HAL: variants seen among roughly 807,000 people sequenced by gnomAD.
The protein encoded by HAL is histidine ammonia-lyase.
A neutral mutation model predicts 81.1 loss-of-function variants in HAL; 85 were observed. The ratio of observed to expected loss-of-function variants is 1.05; its 90% CI spans 0.88 to 1.25. HAL has a LOEUF of 1.25. HAL is among the 50% of genes most tolerant of loss of function. The pLI is 0.00. For missense variants in HAL, 798 were observed against 836.6 expected (o/e 0.95, Z 0.57); for synonymous variants, 301 against 309.2 (o/e 0.97, Z 0.28).
intron 9 of HAL, 113 bp from the exon 10 acceptor site, chr12:95,990,645 ACTT>A: frequency 2.4e-6 from 2 of 828,492 alleles, no homozygotes; most frequent in Non-Finnish European, 4.2e-6. Context: ...AATATCTATC[ACTT>A]TATGGCATAG....
chr12:95,991,568 A>G (rs1375762167), intron 9 of HAL, among the ~76,000 whole-genome samples: 2 of 152,232 alleles, frequency 1.3e-5, no homozygotes, highest in Non-Finnish European at 2.9e-5. Flanking sequence ...CCAAAAAGTT[A>G]CCAAAAAAGA....
chr12:95,979,645 A>G (rs943930525), intron 17 of HAL, among the ~76,000 whole-genome samples: 2 of 152,212 alleles, frequency 1.3e-5, no homozygotes, highest in Non-Finnish European at 2.9e-5. Flanking sequence ...TTAAAAAAAT[A>G]ATTTTTGTAG....
intron 15 of HAL, 54 bp downstream of exon 15, chr12:95,983,856 TA>T: frequency 1.1e-6 from 1 of 940,048 alleles, no homozygotes; most frequent in Non-Finnish European, 1.8e-6. Context: ...CAGTAGATCC[TA>T]AAATTACCAG....
chr12:95,995,761 G>A lies in HAL; in HGVS notation c.150C>T (p.Asp50=), dbSNP rs927026511. 2 of 1,613,650 alleles carry A rather than the reference G, an allele frequency of 1.2e-6. No individual in the cohort carries two copies. The highest frequency in any genetic ancestry group is 8.5e-7 in the Non-Finnish European group (1 of 1,179,982). The change falls in exon 2 of 21, where the codon GAC becomes GAT. Residue 50 remains aspartate (D), a synonymous_variant. Transcript: ENST00000261208. ...TGCACCGGCGCACAAGGAAGTGCGC[G>A]TCATCCACGGAGGTGAAGCCACCAT... ...PDNGGFTSVD[D]AHFLVRRCKG...
intron 15 of HAL, among the ~76,000 whole-genome samples, chr12:95,982,541 C>T (rs1024533997): frequency 5.9e-5 from 9 of 152,234 alleles, no homozygotes; most frequent in African/African-American, 2.2e-4. Context: ...TTCATAAAAA[C>T]TACTATTCCA....
Position 95,992,771 on chromosome 12 carries a change from C to G in HAL, c.624G>C (p.Arg208=), listed in dbSNP as rs774597927. The G allele has an allele frequency of 6.2e-7, 1 of 1,613,004 alleles. No homozygotes were observed. The highest frequency in any genetic ancestry group is 1.1e-5 in the South Asian group (1 of 91,062). ...CATTGATCCTTAAAGCCAAGAGCAT[C>G]CGACACCTCTCAGGACTTAGTGGTT... ...VGKPLSPERC[R]MLLALRINVL... is the part of the protein sequence containing the mutation. Residue 208 remains arginine (R), a synonymous_variant, in exon 9 of 21, where the codon CGG becomes CGC. Transcript: ENST00000261208.
chr12:95,982,934 T>G lies in HAL; in HGVS notation c.1287+977A>C, dbSNP rs1431550832. On this transcript the variant is annotated intron_variant, in intron 15 of 20. Coordinates refer to ENST00000261208, the MANE Select transcript of HAL (RefSeq NM_002108.4). ...CTGATCACCTCAACATCTGGGGAACTGAGCCATCATGGAACATTCCAGAGA... is the reference window on the plus strand; with the variant it reads ...CTGATCACCTCAACATCTGGGGAACGGAGCCATCATGGAACATTCCAGAGA... Among the ~76,000 whole-genome samples the G allele has an allele frequency of 6.6e-5, 10 of 152,332 alleles. No individual in the cohort carries two copies. In the East Asian group the frequency reaches 1.7e-3, roughly 26 times the overall value.
At chr12:95,986,938 C>A in intron 12 of HAL, 129 bp downstream of exon 12, 1 of 797,186 alleles carries the variant, frequency 1.3e-6, no homozygotes, top group South Asian at 1.4e-5. Flanking sequence ...ACTGGGTACG[C>A]CACAGGCACT....
At chr12:95,994,219 G>C (rs770966752) in intron 4 of HAL, 55 bp from the exon 5 acceptor site, 25 of 1,177,654 alleles carry the variant, frequency 2.1e-5, no homozygotes, top group African/African-American at 6.0e-5. Flanking sequence ...ATTCTAACCA[G>C]AGTAGGGACA....
In HAL at chr12:95,972,890, C is replaced by A. The variant is rs1193521279; in HGVS notation, c.*1342G>T. 6.6e-6 allele frequency: 1 copy of A among 152,170 alleles called. No individual in the cohort carries two copies. The highest frequency in any genetic ancestry group is 1.5e-5 in the Non-Finnish European group (1 of 68,028). The allele number at this position is 152,170 out of a possible 1,614,324, so 9.4% of individuals were successfully genotyped here. On this transcript the variant is annotated 3_prime_UTR_variant, in exon 21 of 21. Transcript: ENST00000261208. ...CAGCCCACGGATGACAATGCACAAA[C>A]CTCATTTGTGTGTGTTCACATTTTG... is the stretch of plus-strand genomic sequence containing the variant.
chr12:95,992,888 T>C, intron 8 of HAL, 83 bp from the exon 9 acceptor site: 46 of 1,181,970 alleles, frequency 3.9e-5, no homozygotes, highest in Non-Finnish European at 4.7e-5. Flanking sequence ...CCTCCAATCT[T>C]TCCCATATGT....
Position 95,976,516 on chromosome 12 carries a change from C to A in HAL, c.1764-18G>T. The A allele has an allele frequency of 6.2e-7, 1 of 1,613,206 alleles. No homozygotes were observed. Among genetic ancestry groups the A allele is most frequent in the African/African-American group, 1.3e-5 (1 of 75,030 alleles). ...TCCAGGGCCTACAGGGAGAGCACAT[C>A]CGCCCATCAGCCAAACATGAAACCC... On this transcript the variant is annotated intron_variant, in intron 19 of 20. Coordinates refer to ENST00000261208, the MANE Select transcript of HAL (RefSeq NM_002108.4).
At chr12:95,994,538 C>T (rs527564200) in intron 4 of HAL, among the ~76,000 whole-genome samples, 9 of 152,208 alleles carry the variant, frequency 5.9e-5, no homozygotes, top group East Asian at 3.9e-4. Flanking sequence ...TACAGGTGCA[C>T]GCCACCATAC....
chr12:95,976,372 G>T, intron 20 of HAL, 57 bp downstream of exon 20: 2 of 1,340,660 alleles, frequency 1.5e-6, no homozygotes, highest in South Asian at 2.3e-5. Flanking sequence ...CTCCATCCCC[G>T]ACTTTGCTTT....
chr12:95,984,147 T>A (rs1287185744), intron 14 of HAL, among the ~76,000 whole-genome samples, 156 bp from the exon 15 acceptor site: 1 of 152,266 alleles, frequency 6.6e-6, no homozygotes, highest in Non-Finnish European at 1.5e-5. Context: ...GAACTGAAGA[T>A]AATTTTGTTA....
At chr12:95,983,099 T>A (rs2080812711) in intron 15 of HAL, among the ~76,000 whole-genome samples, 1 of 152,208 alleles carries the variant, frequency 6.6e-6, no homozygotes, top group Non-Finnish European at 1.5e-5. Context: ...TAAAAACTCA[T>A]GATGGGGGCT....
rs1313713197 is a variant in HAL at position 95,976,658 on chromosome 12, C to T, written c.1703G>A (p.Arg568His). The T allele has an allele frequency of 5.6e-6, 9 of 1,613,328 alleles. No individual in the cohort carries two copies. Among genetic ancestry groups the T allele is most frequent in the Admixed American group, 3.3e-5 (2 of 60,000 alleles). Residue 568 changes from arginine to histidine, a missense_variant, in exon 19 of 21, where the codon CGT becomes CAT. Transcript: ENST00000261208. ...CAGCGGAGTGGTTGTTTTCAGGGGA[C>T]GTAGAAACTCTATGCCCTGGCAGGC... The part of the protein sequence containing the change: ...LAACQGIEFL[R>H]PLKTTTPLEK...
In HAL at chr12:95,994,811, C is replaced by G. The variant is rs567780663; in HGVS notation, c.323G>C (p.Arg108Pro). Residue 108 changes from arginine to proline, a missense_variant, in exon 4 of 21, where the codon CGG (arginine) becomes CCG (proline). By Grantham distance (103) the Arg-to-Pro change is moderately radical. Transcript: ENST00000261208. ...TTTGAAGCTTACCTTTTCAGGCTCC[C>G]GGTACTTGCTGTATCTGTATCCAGG... ...PEGVYLYSKYREPEKYIELDG... is the reference protein window; with the variant it reads ...PEGVYLYSKYPEPEKYIELDG... 2.5e-6 allele frequency: 4 copies of G among 1,613,870 alleles called. No homozygotes were observed. Among genetic ancestry groups the G allele is most frequent in the Non-Finnish European group, 3.4e-6 (4 of 1,179,910 alleles).
At chr12:95,982,810 T>G (rs2080809553) in intron 15 of HAL, among the ~76,000 whole-genome samples, 1 of 152,214 alleles carries the variant, frequency 6.6e-6, no homozygotes, top group Non-Finnish European at 1.5e-5. Flanking sequence ...GATTCAGAAC[T>G]GAGGCAGATG....
Sources: allele counts gnomAD v4.1 joint callset (sites outside exome capture counted in the v4.1 genomes callset), GRCh38; gene constraint gnomAD v4.1.1; transcripts MANE v1.5; gene names NCBI Gene and HGNC (gene_info 2026-07-23, HGNC 2026-07-21).